The following SIPA1L1 variants were observed in gnomAD, a reference collection of about 807,000 sequenced individuals.
The protein encoded by SIPA1L1 is signal-induced proliferation-associated 1-like protein 1.
A neutral mutation model predicts 162.7 loss-of-function variants in SIPA1L1; 26 were observed. The ratio of observed to expected loss-of-function variants is 0.16; its 90% CI spans 0.12 to 0.22. The LOEUF is 0.22. Among genes scored for constraint, SIPA1L1 ranks in the 10% least tolerant of loss-of-function variants. The pLI, the probability that SIPA1L1 is intolerant of heterozygous loss-of-function variation, is 1.00. For synonymous variants in SIPA1L1, 829 were observed against 837.4 expected (o/e 0.99, Z 0.17); for missense variants, 1,874 against 2,241.0 (o/e 0.84, Z 3.31).
chr14:71,483,513 TA>T (rs2048505840), intron 2 of SIPA1L1, among the ~76,000 whole-genome samples: 2 of 152,188 alleles, frequency 1.3e-5, no homozygotes, highest in African/African-American at 2.4e-5. Context: ...TACATTTGTA[TA>T]AAACCTCTGC....
chr14:71,527,010 T>C (rs1050146121), intron 3 of SIPA1L1, among the ~76,000 whole-genome samples: 3 of 152,262 alleles, frequency 2.0e-5, no homozygotes, highest in African/African-American at 4.8e-5. Flanking sequence ...GTCTTGGTGT[T>C]GTCAGATTTT....
chr14:71,396,668 A>T (rs1405645366), intron 2 of SIPA1L1, among the ~76,000 whole-genome samples: 1 of 152,160 alleles, frequency 6.6e-6, no homozygotes, highest in East Asian at 1.9e-4. Flanking sequence ...TTTGCTCTTA[A>T]GCATTAACCC....
intron 22 of SIPA1L1, 72 bp from the exon 23 acceptor site, chr14:71,738,161 TAAAAAAAA>T (rs34549978): frequency 3.3e-4 from 122 of 368,688 alleles, no homozygotes; most frequent in Middle Eastern, 1.2e-3. Flanking sequence ...CTCCTCAGAG[TAAAAAAAA>T]AAAAAAAAAA....
chr14:71,489,701 T>TA lies in SIPA1L1; in HGVS notation c.-464-23029dup, dbSNP rs749325240. ...TAACACTAATGATAGCTGATTAGCTTAAAAAAAAAAAAAGAAAAAAAGAAA... is the reference window on the plus strand; with the variant it reads ...TAACACTAATGATAGCTGATTAGCTTAAAAAAAAAAAAAAGAAAAAAAGAAA... On this transcript the variant is annotated intron_variant, in intron 2 of 23. Transcript: ENST00000381232. Among the ~76,000 whole-genome samples, 841 of 138,254 alleles carry TA rather than the reference T, an allele frequency of 6.1e-3. 6 individuals carry two copies. Among genetic ancestry groups the TA allele is most frequent in the Non-Finnish European group, 9.0e-3 (571 of 63,346 alleles). 90.7% of individuals were successfully genotyped at this position (138,254 alleles called of 152,430 possible). A position where few individuals can be genotyped will look rare whatever the true frequency, so the allele number is the denominator to read the frequency against.
rs539917092 is a variant in SIPA1L1, at chr14:71,614,316, G to A, written c.1499-4441G>A. Among the ~76,000 whole-genome samples the A allele has an allele frequency of 1.1e-4, 17 of 151,988 alleles. No individual in the cohort carries two copies. The South Asian group carries it at 3.5e-3, about 32-fold the overall frequency. On this transcript the variant is annotated intron_variant, in intron 5 of 23. Coordinates refer to ENST00000381232, the MANE Select transcript of SIPA1L1 (RefSeq NM_001386936.1). ...AGGGTTAAATTTAAATAGTACATTA[G>A]GATTTTGAATAGAATAAACTTATGT...
intron 7 of SIPA1L1, among the ~76,000 whole-genome samples, chr14:71,636,475 G>A (rs2041161346): frequency 6.6e-6 from 1 of 152,088 alleles, no homozygotes. Context: ...CAAGGGAAAT[G>A]AAAAAATGTA....
chr14:71,663,171 TTTTG>T (rs2043689414), intron 10 of SIPA1L1, among the ~76,000 whole-genome samples: 1 of 152,210 alleles, frequency 6.6e-6, no homozygotes, highest in Non-Finnish European at 1.5e-5. Context: ...TTGACACTGT[TTTTG>T]ACCAATTTAT....
intron 2 of SIPA1L1, among the ~76,000 whole-genome samples, chr14:71,404,281 G>A (rs1262199789): frequency 1.3e-5 from 2 of 152,208 alleles, no homozygotes; most frequent in Non-Finnish European, 2.9e-5. Flanking sequence ...TAGGCCAGGT[G>A]CCGTGGCTCC....
At chr14:71,583,078 G>C (rs1235640315) in intron 4 of SIPA1L1, among the ~76,000 whole-genome samples, 2 of 152,194 alleles carry the variant, frequency 1.3e-5, no homozygotes, top group African/African-American at 4.8e-5. Flanking sequence ...TTTTTAAATA[G>C]TGTTTTATTA....
At chr14:71,470,495 T>C (rs1403798086) in intron 2 of SIPA1L1, among the ~76,000 whole-genome samples, 2 of 152,140 alleles carry the variant, frequency 1.3e-5, no homozygotes, top group African/African-American at 4.8e-5. Flanking sequence ...TGAAAAAATA[T>C]ACATATCTAA....
At position 71,702,396 on chromosome 14, in the gene SIPA1L1, T is replaced by C; in HGVS notation, c.3537T>C (p.Arg1179=). The C allele has an allele frequency of 6.2e-7, 1 of 1,614,110 alleles. No individual in the cohort carries two copies. The highest frequency in any genetic ancestry group is 1.1e-5 in the South Asian group (1 of 91,070). ...ATCACCACAGGTTTGGAGTGAGCCG[T>C]AGATCCCCAGCCTCCATTGACAGGC... ...KSMPEGFGVS[R]RSPASIDRQN... The change falls in exon 15 of 24, where the codon CGT becomes CGC. Residue 1179 remains arginine (R), a synonymous_variant. Transcript: ENST00000381232.
chr14:71,536,291 G>T (rs2053896638), intron 4 of SIPA1L1, among the ~76,000 whole-genome samples: 1 of 152,136 alleles, frequency 6.6e-6, no homozygotes, highest in South Asian at 2.1e-4. Context: ...AACTTAGTAT[G>T]CCACAACCCT....
chr14:71,441,358 T>C (rs1477534342), intron 2 of SIPA1L1, among the ~76,000 whole-genome samples: 2 of 152,192 alleles, frequency 1.3e-5, no homozygotes, highest in African/African-American at 4.8e-5. Context: ...CTGGCTTCCA[T>C]AGTCCCAGAA....
chr14:71,487,024 G>A (rs117352113), intron 2 of SIPA1L1, among the ~76,000 whole-genome samples: 212 of 152,230 alleles, frequency 1.4e-3, no homozygotes, highest in Non-Finnish European at 2.5e-3. Context: ...GGGTAGCTAC[G>A]CTGATTCAGT....
At chr14:71,385,743 A>G (rs967356067) in intron 2 of SIPA1L1, among the ~76,000 whole-genome samples, 3 of 136,526 alleles carry the variant, frequency 2.2e-5, no homozygotes, top group Non-Finnish European at 4.5e-5. Context: ...GCTGGAGTGC[A>G]GTGGCGCAAT....
chr14:71,590,151 C>G (rs1192056492), intron 5 of SIPA1L1, among the ~76,000 whole-genome samples: 1 of 147,288 alleles, frequency 6.8e-6, no homozygotes, highest in Admixed American at 6.8e-5. Flanking sequence ...TTATCTCATA[C>G]TTTTAAGAAA....
intron 2 of SIPA1L1, among the ~76,000 whole-genome samples, chr14:71,445,684 A>T (rs1354595506): frequency 6.6e-6 from 1 of 152,182 alleles, no homozygotes; most frequent in Non-Finnish European, 1.5e-5. Flanking sequence ...ACATTTGTTG[A>T]TTGTAACATT....
chr14:71,690,017 G>A (rs1209945243), intron 13 of SIPA1L1, among the ~76,000 whole-genome samples: 1 of 152,156 alleles, frequency 6.6e-6, no homozygotes, highest in East Asian at 1.9e-4. Context: ...ATCTTCCACT[G>A]TGTCATTTTC....
intron 2 of SIPA1L1, among the ~76,000 whole-genome samples, chr14:71,392,345 A>C (rs2040828004): frequency 1.3e-5 from 2 of 152,114 alleles, no homozygotes; most frequent in Non-Finnish European, 1.5e-5. Context: ...AGTGGTAGTG[A>C]AGTCCTTGCA....
Sources: gnomAD v4.1 joint callset for allele counts (sites outside exome capture counted in the v4.1 genomes callset) on GRCh38, gnomAD v4.1.1 for gene constraint, MANE v1.5 for transcripts, NCBI Gene and HGNC (gene_info 2026-07-23, HGNC 2026-07-21) for gene names.